Variants in AXIN2 observed in about 807,000 individuals in gnomAD.
AXIN2 encodes the protein axin 2.
AXIN2 carries 21 observed loss-of-function variants against 74.7 expected under a neutral mutation model. That is an observed-to-expected ratio of 0.28 (90% CI 0.20 to 0.40). The LOEUF (loss-of-function observed/expected upper bound fraction) is 0.40. Among genes scored for constraint, AXIN2 ranks in the 10% least tolerant of loss-of-function variants. The pLI is 1.00. For synonymous variants in AXIN2, 532 were observed against 454.9 expected (o/e 1.17, Z -2.16); for missense variants, 1,144 against 1,111.1 (o/e 1.03, Z -0.42).
At chr17:65,541,643 G>T in intron 3 of AXIN2, 86 bp from the exon 4 acceptor site, 1 of 1,120,200 alleles carries the variant, frequency 8.9e-7, no homozygotes, top group Non-Finnish European at 1.4e-6. Flanking sequence ...GCCATCTTGA[G>T]ATCCCGCCGA....
Position 65,537,429 on chromosome 17 carries a change from GTGGCCT to G in AXIN2, c.1601_1606del (p.Glu534_Thr536delinsAla). Reference sequence around the variant, plus strand: ...AGGGCAGAAGCAGTGCACCCGCTGCGTGGCCTCCGCCTCGATCTCCTCCTTGGTCTT... The same window carrying G: ...AGGGCAGAAGCAGTGCACCCGCTGCGCCGCCTCGATCTCCTCCTTGGTCTT... On this transcript the variant is annotated inframe_deletion, in exon 6 of 11. Transcript: ENST00000307078. 1 of 1,614,052 alleles carries G rather than the reference GTGGCCT, an allele frequency of 6.2e-7. No homozygotes were observed. Among genetic ancestry groups the G allele is most frequent in the South Asian group, 1.1e-5 (1 of 91,084 alleles).
intron 6 of AXIN2, 75 bp downstream of exon 6, chr17:65,537,249 C>T: frequency 6.2e-7 from 1 of 1,601,132 alleles, no homozygotes; most frequent in Non-Finnish European, 8.5e-7. Context: ...AATGCGGCTC[C>T]CACCTCACAC....
At chr17:65,555,165 G>T (rs1428071824) in intron 2 of AXIN2, among the ~76,000 whole-genome samples, 1 of 152,130 alleles carries the variant, frequency 6.6e-6, no homozygotes, top group Non-Finnish European at 1.5e-5. Context: ...GTAAACACAG[G>T]GCTTGCAAGC....
chr17:65,537,063 G>A lies in AXIN2; in HGVS notation c.1713C>T (p.Gly571=), dbSNP rs761978806. The part of the protein sequence containing the change: ...APETMPSEQF[G]GSRGSTLPKR... ...TGGGCAAGGTACTGCCTCTGCTGCC[G>A]CTGTGGGGAACCAAGAACCACACCC... Residue 571 remains glycine, a splice_region_variant and synonymous_variant, in exon 7 of 11, where the codon GGC becomes GGT. Transcript: ENST00000307078. The A allele has an allele frequency of 8.7e-6, 14 of 1,602,410 alleles. No individual in the cohort carries two copies. Among genetic ancestry groups the A allele is most frequent in the African/African-American group, 8.0e-5 (6 of 74,900 alleles).
At chr17:65,533,135 G>A (rs1159446467) in intron 10 of AXIN2, among the ~76,000 whole-genome samples, 1 of 152,188 alleles carries the variant, frequency 6.6e-6, no homozygotes, top group Non-Finnish European at 1.5e-5. Flanking sequence ...CCTCTCAAGG[G>A]CCCTAAAAAG....
At chr17:65,556,163 GC>G (rs1175652273) in intron 2 of AXIN2, among the ~76,000 whole-genome samples, 1 of 152,162 alleles carries the variant, frequency 6.6e-6, no homozygotes, top group Non-Finnish European at 1.5e-5. Context: ...GCAGAGCCCT[GC>G]CTGGGGAGGG....
At chr17:65,537,162 G>C (rs1371717169) in intron 6 of AXIN2, 99 bp from the exon 7 acceptor site, 7 of 1,544,748 alleles carry the variant, frequency 4.5e-6, no homozygotes, top group South Asian at 2.3e-5. Flanking sequence ...CTGGTGACAC[G>C]AAAGACCCAT....
At chr17:65,531,704 AAC>A (rs1205637329) in intron 10 of AXIN2, among the ~76,000 whole-genome samples, 1 of 152,060 alleles carries the variant, frequency 6.6e-6, no homozygotes, top group Admixed American at 6.5e-5. Context: ...CAGGACTTCA[AAC>A]ACACTGCACT....
intron 2 of AXIN2, among the ~76,000 whole-genome samples, chr17:65,555,163 AG>A (rs1415008141): frequency 3.9e-5 from 6 of 152,212 alleles, no homozygotes; most frequent in African/African-American, 1.4e-4. Context: ...AGGTAAACAC[AG>A]GGCTTGCAAG....
At chr17:65,539,156 C>T (rs1343583761) in intron 4 of AXIN2, among the ~76,000 whole-genome samples, 1 of 152,136 alleles carries the variant, frequency 6.6e-6, no homozygotes, top group Non-Finnish European at 1.5e-5. Flanking sequence ...AGCTTTCTGT[C>T]CTTTTCCTGT....
At chr17:65,536,772 T>G in intron 7 of AXIN2, 97 bp downstream of exon 7, 1 of 1,544,150 alleles carries the variant, frequency 6.5e-7, no homozygotes, top group Non-Finnish European at 8.9e-7. Flanking sequence ...ATAGTCACAT[T>G]TGTATTCCGC....
intron 9 of AXIN2, among the ~76,000 whole-genome samples, 171 bp downstream of exon 9, chr17:65,535,455 G>A (rs927669415): frequency 1.3e-5 from 2 of 152,116 alleles, no homozygotes; most frequent in Admixed American, 6.5e-5. Flanking sequence ...TGCATTTGTC[G>A]GCAGGACATG....
intron 7 of AXIN2, 105 bp downstream of exon 7, chr17:65,536,764 A>T (rs942213800): frequency 1.1e-5 from 17 of 1,518,058 alleles, no homozygotes; most frequent in South Asian, 4.5e-5. Context: ...AGGAGCAAAT[A>T]GTCACATTTG....
intron 10 of AXIN2, among the ~76,000 whole-genome samples, chr17:65,531,232 A>AT (rs1416356060): frequency 3.3e-5 from 5 of 152,050 alleles, no homozygotes; most frequent in Admixed American, 2.6e-4. Flanking sequence ...TTAGAGCTCA[A>AT]TTTTTTCCCT....
intron 3 of AXIN2, among the ~76,000 whole-genome samples, chr17:65,548,379 C>G (rs2044145424): frequency 6.6e-6 from 1 of 152,178 alleles, no homozygotes; most frequent in Admixed American, 6.5e-5. Context: ...CAGTAAAAAC[C>G]AGATAGTTTC....
At position 65,542,277 on chromosome 17, in the gene AXIN2, T is replaced by C. The variant is rs185945815; in HGVS notation, c.957-720A>G. ...TGGTCTGTGCAATCCATTTAAAGATTAGCACCTACTATGTGCCAGATCTTC... is the reference window on the plus strand; with the variant it reads ...TGGTCTGTGCAATCCATTTAAAGATCAGCACCTACTATGTGCCAGATCTTC... On this transcript the variant is annotated intron_variant, in intron 3 of 10. Transcript: ENST00000307078. Among the ~76,000 whole-genome samples, 363 of 152,314 alleles carry C rather than the reference T, an allele frequency of 2.4e-3. 1 individual carries two copies. The highest frequency in any genetic ancestry group is 7.3e-3 in the African/African-American group (305 of 41,560).
At chr17:65,538,084 C>T (rs566290900) in intron 5 of AXIN2, 119 bp downstream of exon 5, 1 of 1,551,930 alleles carries the variant, frequency 6.4e-7, no homozygotes, top group Non-Finnish European at 8.7e-7. Flanking sequence ...GCAGCCCACG[C>T]GCATGCGCAT....
At chr17:65,541,017 C>T (rs2044033405) in intron 4 of AXIN2, among the ~76,000 whole-genome samples, 1 of 152,144 alleles carries the variant, frequency 6.6e-6, no homozygotes, top group African/African-American at 2.4e-5. Flanking sequence ...GCTGGGACTA[C>T]AGGCGCACGT....
chr17:65,538,914 G>C (rs1242778759), intron 4 of AXIN2, among the ~76,000 whole-genome samples: 2 of 152,078 alleles, frequency 1.3e-5, no homozygotes, highest in African/African-American at 4.8e-5. Flanking sequence ...TGAGGTGGTG[G>C]TGTCTCAACA....
Sources: allele counts gnomAD v4.1 joint callset (sites outside exome capture counted in the v4.1 genomes callset), GRCh38; gene constraint gnomAD v4.1.1; transcripts MANE v1.5; gene names NCBI Gene and HGNC (gene_info 2026-07-23, HGNC 2026-07-21).